LDLRAD4: variants seen among roughly 807,000 people sequenced by gnomAD.
LDLRAD4 encodes the protein low density lipoprotein receptor class A domain containing 4.
LDLRAD4 carries 5 observed loss-of-function variants against 17.0 expected under a neutral mutation model. That is an observed-to-expected ratio of 0.29 (90% CI 0.15 to 0.62). The LOEUF (loss-of-function observed/expected upper bound fraction) is 0.62. LDLRAD4 is among the 20% of genes least tolerant of loss of function. The probability of loss-of-function intolerance (pLI) is 0.84; values close to 1 mark genes in which losing one functional copy is unlikely to be tolerated. For synonymous variants in LDLRAD4, 168 were observed against 171.8 expected (o/e 0.98, Z 0.17); for missense variants, 340 against 424.7 (o/e 0.80, Z 1.75).
At chr18:13,612,826 G>C in intron 3 of LDLRAD4, 1 of 1,609,510 alleles carries the variant, frequency 6.2e-7, no homozygotes, top group Non-Finnish European at 8.5e-7. Flanking sequence ...CGGGTTTGCT[G>C]TGGTTCTTCT....
rs146464571 is a variant in LDLRAD4 at position 13,467,439 on chromosome 18, A to T, written c.181+29055A>T. 1.6e-3 allele frequency among the ~76,000 whole-genome samples: 251 copies of T among 152,374 alleles called. 2 individuals carry two copies. Among genetic ancestry groups the T allele is most frequent in the African/African-American group, 5.9e-3 (246 of 41,592 alleles). On this transcript the variant is annotated intron_variant, in intron 3 of 5. Transcript: ENST00000359446. The stretch of plus-strand genomic sequence containing the variant: ...AAATACCTAGAAGTAAATTTAACCC[A>T]GGAAGAAAGATTTGTACACTGAAAA...
chr18:13,257,571 G>A (rs2043574565), intron 1 of LDLRAD4, among the ~76,000 whole-genome samples: 2 of 152,204 alleles, frequency 1.3e-5, no homozygotes, highest in Admixed American at 6.5e-5. Flanking sequence ...TTCAGAGTCC[G>A]GCCTGCAGCC....
intron 3 of LDLRAD4, among the ~76,000 whole-genome samples, chr18:13,454,962 G>T (rs1434237638): frequency 1.3e-5 from 2 of 152,270 alleles, no homozygotes; most frequent in Admixed American, 1.3e-4. Flanking sequence ...CCTGGTGGGT[G>T]CTCAGTCCGC....
intron 3 of LDLRAD4, among the ~76,000 whole-genome samples, chr18:13,544,885 C>CTTTTTTTTTTTTTTTTTTTTT (rs58284452): frequency 8.1e-6 from 1 of 122,854 alleles, no homozygotes; most frequent in African/African-American, 3.0e-5. Flanking sequence ...GATGGTTTGT[C>CTTTTTTTTTTTTTTTTTTTTT]TTTTTTTTTT....
chr18:13,276,064 AG>A (rs1567958255), upstream of LDLRAD4, among the ~76,000 whole-genome samples: 1 of 152,098 alleles, frequency 6.6e-6, no homozygotes, highest in East Asian at 1.9e-4. Flanking sequence ...GCTGGAGTGC[AG>A]TGGGTCGATC....
intron 1 of LDLRAD4, among the ~76,000 whole-genome samples, chr18:13,261,923 G>A (rs369248562): frequency 6.6e-6 from 1 of 152,232 alleles, no homozygotes; most frequent in African/African-American, 2.4e-5. Flanking sequence ...GAGCTGTGCA[G>A]AGCAGGGCAC....
At chr18:13,413,978 C>T (rs550264251) in intron 2 of LDLRAD4, among the ~76,000 whole-genome samples, 2 of 152,176 alleles carry the variant, frequency 1.3e-5, no homozygotes, top group South Asian at 2.1e-4. Flanking sequence ...TACCCATACC[C>T]GAGGTTTTCT....
At chr18:13,610,469 G>A (rs2039439678) in intron 3 of LDLRAD4, among the ~76,000 whole-genome samples, 1 of 151,544 alleles carries the variant, frequency 6.6e-6, no homozygotes. Context: ...TGTATTTTTA[G>A]TAGAGACGGG....
chr18:13,478,368 C>G (rs2093000628), intron 3 of LDLRAD4, among the ~76,000 whole-genome samples: 1 of 152,206 alleles, frequency 6.6e-6, no homozygotes, highest in African/African-American at 2.4e-5. Flanking sequence ...GTCCCAAGCA[C>G]CTATTCTCCT....
At chr18:13,264,352 C>T (rs2044094578) in intron 1 of LDLRAD4, among the ~76,000 whole-genome samples, 1 of 152,268 alleles carries the variant, frequency 6.6e-6, no homozygotes, top group East Asian at 1.9e-4. Flanking sequence ...CCTTGCTGCT[C>T]TTTCCAAAGG....
At chr18:13,360,334 A>T (rs2083588069) in intron 1 of LDLRAD4, among the ~76,000 whole-genome samples, 1 of 152,218 alleles carries the variant, frequency 6.6e-6, no homozygotes. Context: ...GCCCTCAGGG[A>T]GGTTGTAGTC....
intron 3 of LDLRAD4, among the ~76,000 whole-genome samples, chr18:13,598,723 T>G (rs1389326480): frequency 6.6e-6 from 1 of 152,164 alleles, no homozygotes; most frequent in Admixed American, 6.5e-5. Context: ...ATAAAGTAAG[T>G]TTTCGGTAGC....
At chr18:13,532,196 G>A (rs1175210750) in intron 3 of LDLRAD4, among the ~76,000 whole-genome samples, 1 of 152,204 alleles carries the variant, frequency 6.6e-6, no homozygotes, top group African/African-American at 2.4e-5. Flanking sequence ...CGCCGTGCAT[G>A]CGGTGGACGG....
intron 2 of LDLRAD4, among the ~76,000 whole-genome samples, chr18:13,415,385 A>G (rs1342277340): frequency 2.0e-5 from 3 of 152,154 alleles, no homozygotes; most frequent in Admixed American, 6.5e-5. Context: ...GCCTGTGTCT[A>G]TAGCACATAG....
intron 3 of LDLRAD4, among the ~76,000 whole-genome samples, chr18:13,541,805 C>G (rs966997171): frequency 6.6e-6 from 1 of 152,188 alleles, no homozygotes; most frequent in Non-Finnish European, 1.5e-5. Context: ...GTGATCCCAG[C>G]ACTTTGGGAG....
At chr18:13,319,541 GTC>G (rs1295595735) in intron 1 of LDLRAD4, among the ~76,000 whole-genome samples, 1 of 152,176 alleles carries the variant, frequency 6.6e-6, no homozygotes, top group Non-Finnish European at 1.5e-5. Flanking sequence ...AGTTCAGTTT[GTC>G]TCTCTCTAAA....
chr18:13,260,909 C>G lies in LDLRAD4; in HGVS notation c.-466-17196C>G, dbSNP rs141452521. ...TTGAATGTGCCTCCCTATGGCCTCC[C>G]TGGGCTGGGATTCAGAGCAGGGCTC... On this transcript the variant is annotated intron_variant, in intron 1 of 5. Transcript: ENST00000399848. Among the ~76,000 whole-genome samples, 609 of 152,362 alleles carry G rather than the reference C, an allele frequency of 4.0e-3. 3 individuals carry two copies. The highest frequency in any genetic ancestry group is 0.014 in the African/African-American group (578 of 41,586).
rs2081178211 is a variant in LDLRAD4 at position 13,320,851 on chromosome 18, G to C, written c.-383+42663G>C. ...TAGACCGTGTTCAAGTTTAATTCAG[G>C]AGTTCAAAGCCTAACAGGATTGTTG... On this transcript the variant is annotated intron_variant, in intron 1 of 5. Transcript: ENST00000359446. Among the ~76,000 whole-genome samples the C allele has an allele frequency of 2.6e-5, 4 of 152,156 alleles. No individual in the cohort carries two copies. In the South Asian group the frequency reaches 8.3e-4, roughly 32 times the overall value.
At chr18:13,309,606 T>C (rs2047113368) in intron 1 of LDLRAD4, among the ~76,000 whole-genome samples, 1 of 152,220 alleles carries the variant, frequency 6.6e-6, no homozygotes, top group Non-Finnish European at 1.5e-5. Context: ...AATAACCTTC[T>C]CTTAAAAACA....
Sources: allele counts gnomAD v4.1 joint callset (sites outside exome capture counted in the v4.1 genomes callset), GRCh38; gene constraint gnomAD v4.1.1; transcripts MANE v1.5; gene names NCBI Gene and HGNC (gene_info 2026-07-23, HGNC 2026-07-21).